The following ZNF385D variants were observed in gnomAD, a reference collection of about 807,000 sequenced individuals.
ZNF385D encodes zinc finger protein 385D.
Under a neutral mutation model 35.8 loss-of-function variants are expected in ZNF385D, and 15 were observed. The ratio of observed to expected loss-of-function variants is 0.42; its 90% CI spans 0.28 to 0.64. The LOEUF (loss-of-function observed/expected upper bound fraction) is 0.64. ZNF385D is among the 30% of genes least tolerant of loss of function. The pLI is 0.23. For missense variants in ZNF385D, 474 were observed against 494.6 expected (o/e 0.96, Z 0.39); for synonymous variants, 212 against 186.8 (o/e 1.13, Z -1.10).
rs34497539 is a variant in ZNF385D, at chr3:22,244,364, TAAAAAAAA to T, written c.107-75337_107-75330del. 1.6e-4 allele frequency among the ~76,000 whole-genome samples: 10 copies of T among 62,562 alleles called. No homozygotes were observed. In the East Asian group the frequency reaches 2.6e-3, roughly 16 times the overall value. The allele number at this position is 62,562 out of a possible 152,430, so 41.0% of individuals were successfully genotyped here. On this transcript the variant is annotated intron_variant, in intron 2 of 5. Coordinates refer to the ZNF385D transcript ENST00000494108. The stretch of plus-strand genomic sequence containing the variant: ...CAAAGTGATACCAGACAACCGAATG[TAAAAAAAA>T]AAAAAAAAAAAAAAAAAAAATGAAA...
intron 3 of ZNF385D, among the ~76,000 whole-genome samples, chr3:22,067,553 CTCTT>C (rs566844236): frequency 9.1e-4 from 138 of 152,294 alleles, no homozygotes; most frequent in African/African-American, 3.2e-3. Context: ...CCCATTTCCT[CTCTT>C]TCTAATGATT....
At chr3:22,166,989 G>T (rs538414732) in intron 3 of ZNF385D, among the ~76,000 whole-genome samples, 2 of 152,204 alleles carry the variant, frequency 1.3e-5, no homozygotes, top group African/African-American at 4.8e-5. Flanking sequence ...AGAAGTCTAA[G>T]TAGAGACTGA....
intron 2 of ZNF385D, among the ~76,000 whole-genome samples, chr3:22,184,194 G>A (rs776786466): frequency 3.3e-5 from 5 of 152,100 alleles, no homozygotes; most frequent in Non-Finnish European, 7.4e-5. Context: ...TCTCCCATTT[G>A]TAAGAAGGAG....
chr3:22,193,717 A>G (rs919973111), intron 2 of ZNF385D, among the ~76,000 whole-genome samples: 4 of 152,014 alleles, frequency 2.6e-5, no homozygotes, highest in Middle Eastern at 3.2e-3. Context: ...ACTTTTGTAA[A>G]TAAGTCCAGG....
At chr3:22,121,100 G>A (rs1703068149) in intron 3 of ZNF385D, among the ~76,000 whole-genome samples, 1 of 152,136 alleles carries the variant, frequency 6.6e-6, no homozygotes, top group South Asian at 2.1e-4. Flanking sequence ...TGTGAATTAT[G>A]TTTCTCTAAA....
At chr3:21,906,097 T>C (rs570718226) in intron 3 of ZNF385D, among the ~76,000 whole-genome samples, 1 of 152,322 alleles carries the variant, frequency 6.6e-6, no homozygotes, top group East Asian at 1.9e-4. Flanking sequence ...TTACTCATCT[T>C]CTAAAACCCA....
intron 2 of ZNF385D, among the ~76,000 whole-genome samples, chr3:22,347,037 CAA>C (rs768972988): frequency 6.6e-6 from 1 of 151,970 alleles, no homozygotes; most frequent in South Asian, 2.1e-4. Flanking sequence ...AATGTACAAA[CAA>C]AGAGTAAAAC....
At chr3:21,653,540 G>GT (rs2065986008) in intron 2 of ZNF385D, among the ~76,000 whole-genome samples, 1 of 151,956 alleles carries the variant, frequency 6.6e-6, no homozygotes, top group Admixed American at 6.6e-5. Context: ...ATATATGTAT[G>GT]TTTTTTCTCT....
At chr3:21,920,102 T>A (rs988621424) in intron 3 of ZNF385D, among the ~76,000 whole-genome samples, 3 of 152,156 alleles carry the variant, frequency 2.0e-5, no homozygotes, top group Admixed American at 1.3e-4. Flanking sequence ...TTTAAATGGT[T>A]AAAAGGAAAC....
intron 2 of ZNF385D, among the ~76,000 whole-genome samples, chr3:21,599,274 G>A (rs1428489542): frequency 6.6e-6 from 1 of 151,954 alleles, no homozygotes; most frequent in Non-Finnish European, 1.5e-5. Context: ...ATCTTTTGAG[G>A]GATAAATCAA....
intron 4 of ZNF385D, among the ~76,000 whole-genome samples, chr3:21,444,554 T>G (rs1702044782): frequency 6.6e-6 from 1 of 151,882 alleles, no homozygotes; most frequent in South Asian, 2.1e-4. Flanking sequence ...CCAGCTAATT[T>G]TTTTGTATTT....
intron 3 of ZNF385D, among the ~76,000 whole-genome samples, chr3:21,907,637 C>T: frequency 6.6e-6 from 1 of 152,076 alleles, no homozygotes; most frequent in East Asian, 1.9e-4. Context: ...TTATAAGAAT[C>T]TTTGATACTT....
At chr3:21,909,882 G>C (rs1041290007) in intron 3 of ZNF385D, among the ~76,000 whole-genome samples, 1 of 151,960 alleles carries the variant, frequency 6.6e-6, no homozygotes, top group Non-Finnish European at 1.5e-5. Context: ...TATAAGCCTA[G>C]CTTTATGAAT....
chr3:22,017,711 T>TA (rs1203837750), intron 3 of ZNF385D, among the ~76,000 whole-genome samples: 1 of 151,988 alleles, frequency 6.6e-6, no homozygotes, highest in Non-Finnish European at 1.5e-5. Context: ...AGCAATGTCC[T>TA]AAATTTATAA....
At chr3:22,072,423 G>T (rs1700271327) in intron 3 of ZNF385D, among the ~76,000 whole-genome samples, 1 of 152,086 alleles carries the variant, frequency 6.6e-6, no homozygotes, top group Admixed American at 6.6e-5. Flanking sequence ...CAAGCAGAAT[G>T]AAGCACTCTC....
At position 22,312,668 on chromosome 3, in the gene ZNF385D, CCAT is replaced by C. The variant is rs534447164; in HGVS notation, c.106+59779_106+59781del. On this transcript the variant is annotated intron_variant, in intron 2 of 5. Transcript: ENST00000494108. Reference sequence around the variant, plus strand: ...ATGAAAAAGTGCTCATTATCACTGGCCATCAGAGAAATGCAAATCAAAACCACA... The same window carrying C: ...ATGAAAAAGTGCTCATTATCACTGGCCAGAGAAATGCAAATCAAAACCACA... Among the ~76,000 whole-genome samples the C allele has an allele frequency of 2.3e-4, 35 of 152,076 alleles. No homozygotes were observed. The East Asian group carries it at 6.6e-3, about 29-fold the overall frequency.
At chr3:21,425,785 A>T (rs1411675114) in intron 5 of ZNF385D, 115 bp from the exon 6 acceptor site, 2 of 908,880 alleles carry the variant, frequency 2.2e-6, no homozygotes, top group African/African-American at 3.4e-5. Flanking sequence ...AAGAAACAGT[A>T]CAATAACAAA....
At chr3:22,248,546 C>T (rs929996094) in intron 2 of ZNF385D, among the ~76,000 whole-genome samples, 2 of 151,430 alleles carry the variant, frequency 1.3e-5, no homozygotes, top group East Asian at 3.9e-4. Flanking sequence ...TTGGGCCTCT[C>T]TAAATTGACA....
chr3:21,607,973 G>A (rs1408058800), intron 2 of ZNF385D, among the ~76,000 whole-genome samples: 1 of 147,172 alleles, frequency 6.8e-6, no homozygotes, highest in Non-Finnish European at 1.5e-5. Context: ...GTTACCTTTA[G>A]CCAAATAACC....
Sources: gnomAD v4.1 joint callset for allele counts (sites outside exome capture counted in the v4.1 genomes callset) on GRCh38, gnomAD v4.1.1 for gene constraint, MANE v1.5 for transcripts, NCBI Gene and HGNC (gene_info 2026-07-23, HGNC 2026-07-21) for gene names.